The following MAGI2 variants were observed in gnomAD, a reference collection of about 807,000 sequenced individuals.
MAGI2 encodes membrane-associated guanylate kinase, WW and PDZ domain-containing protein 2.
A neutral mutation model predicts 133.3 loss-of-function variants in MAGI2; 35 were observed. That is an observed-to-expected ratio of 0.26 (90% CI 0.20 to 0.35). MAGI2 has a LOEUF of 0.35. Ranked by LOEUF, MAGI2 falls within the 10% of genes least tolerant of loss-of-function variation. The probability of loss-of-function intolerance (pLI) is 1.00; values close to 1 mark genes in which losing one functional copy is unlikely to be tolerated. For synonymous variants in MAGI2, 729 were observed against 710.6 expected (o/e 1.03, Z -0.41); for missense variants, 1,636 against 1,863.4 (o/e 0.88, Z 2.25).
chr7:78,126,796 A>C (rs7793770), intron 19 of MAGI2, among the ~76,000 whole-genome samples: 130,328 of 152,130 alleles, frequency 0.86, 56,222 homozygotes, highest in African/African-American at 0.91. Flanking sequence ...ACGTAAAAAA[A>C]TATGGACCTA....
At chr7:79,319,998 G>A (rs1031938894) in intron 1 of MAGI2, among the ~76,000 whole-genome samples, 1 of 152,104 alleles carries the variant, frequency 6.6e-6, no homozygotes, top group Non-Finnish European at 1.5e-5. Flanking sequence ...AAATGCATAG[G>A]TTAAGTAACA....
At chr7:78,176,488 C>G (rs150625379) in intron 14 of MAGI2, among the ~76,000 whole-genome samples, 2 of 152,096 alleles carry the variant, frequency 1.3e-5, no homozygotes, top group African/African-American at 2.4e-5. Flanking sequence ...CAACTCCTCC[C>G]GCAGGGCAGA....
chr7:78,380,862 A>G (rs1222455690), intron 6 of MAGI2, among the ~76,000 whole-genome samples: 1 of 152,218 alleles, frequency 6.6e-6, no homozygotes, highest in African/African-American at 2.4e-5. Flanking sequence ...ATATATGCAC[A>G]CACTGTGTAT....
chr7:78,915,858 G>C (rs963760329), intron 2 of MAGI2, among the ~76,000 whole-genome samples: 3 of 151,932 alleles, frequency 2.0e-5, no homozygotes, highest in Non-Finnish European at 2.9e-5. Context: ...TTTACATAAG[G>C]TCATCAGAGG....
rs1243218440 is a variant in MAGI2 at position 78,019,595 on chromosome 7, G to T, written c.4088C>A (p.Ala1363Glu). ...AAADAADAAR[A>E]GGKEAPRAAA... ...CGCACGGGGCGCCTCCTTCCCGCCC[G>T]CCCGCGCCGCGTCCGCCGCGTCTGC... The change falls in exon 22 of 22, where the codon GCG becomes GAG. Residue 1363 changes from alanine to glutamate, a missense_variant. Transcript: ENST00000354212. 45 of 980,498 alleles carry T rather than the reference G, an allele frequency of 4.6e-5. No homozygotes were observed. Among genetic ancestry groups the T allele is most frequent in the Non-Finnish European group, 5.1e-5 (42 of 828,490 alleles). 60.7% of individuals were successfully genotyped at this position (980,498 alleles called of 1,614,324 possible).
At chr7:78,037,663 C>T (rs2151076936) in intron 21 of MAGI2, among the ~76,000 whole-genome samples, 1 of 152,260 alleles carries the variant, frequency 6.6e-6, no homozygotes, top group Non-Finnish European at 1.5e-5. Flanking sequence ...TTTGACTATC[C>T]TTACAGATGG....
chr7:79,404,076 C>T (rs1845646222), intron 1 of MAGI2, among the ~76,000 whole-genome samples: 1 of 152,142 alleles, frequency 6.6e-6, no homozygotes, highest in African/African-American at 2.4e-5. Context: ...TTATAGCCAC[C>T]TGCTTCTCGA....
Position 79,442,451 on chromosome 7 carries a change from A to AGTGTGTGTGTGT in MAGI2, c.301+10557_301+10568dup, listed in dbSNP as rs3028947. On this transcript the variant is annotated intron_variant, in intron 1 of 21. Coordinates refer to ENST00000354212, the MANE Select transcript of MAGI2 (RefSeq NM_012301.4). ...TGGCACTGAACCTTAGTGTTTGAAG[A>AGTGTGTGTGTGT]GTGTGTGTGTGTGTGTGTGTGTGTG... Among the ~76,000 whole-genome samples, 1,170 of 145,210 alleles carry AGTGTGTGTGTGT rather than the reference A, an allele frequency of 8.1e-3. 6 individuals are homozygous for AGTGTGTGTGTGT. Among genetic ancestry groups the AGTGTGTGTGTGT allele is most frequent in the Middle Eastern group, 0.027 (8 of 292 alleles).
rs1216099347 is a variant in MAGI2 at position 78,660,319 on chromosome 7, G to A, written c.419-33080C>T. 3.9e-5 allele frequency among the ~76,000 whole-genome samples: 6 copies of A among 152,124 alleles called. No individual in the cohort carries two copies. In the South Asian group the frequency reaches 1.0e-3, roughly 26 times the overall value. On this transcript the variant is annotated intron_variant, in intron 2 of 21. Coordinates refer to ENST00000354212, the MANE Select transcript of MAGI2 (RefSeq NM_012301.4). ...ACCCTATTCTTTTCATTTGTGGCAA[G>A]TATACCTCTTTAATATGCCAATGTT...
chr7:78,332,602 G>T (rs1380927386), intron 9 of MAGI2, among the ~76,000 whole-genome samples: 1 of 151,908 alleles, frequency 6.6e-6, no homozygotes, highest in Non-Finnish European at 1.5e-5. Context: ...GGAGGCTGAG[G>T]CAGGAGAATG....
intron 1 of MAGI2, among the ~76,000 whole-genome samples, chr7:79,115,238 G>A (rs1819289467): frequency 6.6e-6 from 1 of 152,122 alleles, no homozygotes; most frequent in Admixed American, 6.5e-5. Flanking sequence ...GATGCTTTGG[G>A]ACCAGAGAAA....
At chr7:78,649,863 A>G (rs1811359669) in intron 2 of MAGI2, among the ~76,000 whole-genome samples, 2 of 151,206 alleles carry the variant, frequency 1.3e-5, no homozygotes, top group African/African-American at 4.8e-5. Flanking sequence ...TAATCGCATG[A>G]AAGTGCTGAG....
intron 6 of MAGI2, among the ~76,000 whole-genome samples, chr7:78,400,612 A>G (rs1359028877): frequency 1.3e-5 from 2 of 152,212 alleles, no homozygotes; most frequent in Non-Finnish European, 2.9e-5. Flanking sequence ...TAGTTAAATC[A>G]TTCAGATTAT....
intron 3 of MAGI2, among the ~76,000 whole-genome samples, chr7:78,594,376 G>C (rs1804366241): frequency 6.6e-6 from 1 of 152,206 alleles, no homozygotes; most frequent in Non-Finnish European, 1.5e-5. Context: ...ACAAAGGCTG[G>C]AATGTAACAA....
chr7:79,217,563 T>C (rs546576284), intron 1 of MAGI2, among the ~76,000 whole-genome samples: 2 of 152,152 alleles, frequency 1.3e-5, no homozygotes, highest in African/African-American at 4.8e-5. Flanking sequence ...AAGTGTCTTA[T>C]CTATATTTAA....
chr7:79,141,195 T>A (rs1822095351), intron 1 of MAGI2, among the ~76,000 whole-genome samples: 1 of 152,214 alleles, frequency 6.6e-6, no homozygotes, highest in African/African-American at 2.4e-5. Flanking sequence ...GATTGTTTTC[T>A]CAACTCCTTC....
At chr7:79,219,951 G>A (rs908053528) in intron 1 of MAGI2, among the ~76,000 whole-genome samples, 3 of 151,850 alleles carry the variant, frequency 2.0e-5, no homozygotes, top group Non-Finnish European at 4.4e-5. Flanking sequence ...TAATACACAC[G>A]ATTTTTTTTT....
At chr7:78,266,996 C>G (rs577487604) in intron 9 of MAGI2, among the ~76,000 whole-genome samples, 1 of 152,184 alleles carries the variant, frequency 6.6e-6, no homozygotes, top group Non-Finnish European at 1.5e-5. Flanking sequence ...AATACCCACA[C>G]TGGGTGTTGC....
intron 3 of MAGI2, among the ~76,000 whole-genome samples, chr7:78,595,925 T>C (rs1273425657): frequency 6.6e-6 from 1 of 152,130 alleles, no homozygotes; most frequent in Non-Finnish European, 1.5e-5. Flanking sequence ...CACCAGAATG[T>C]CTTTGTAATT....
Sources: gnomAD v4.1 joint callset for allele counts (sites outside exome capture counted in the v4.1 genomes callset) on GRCh38, gnomAD v4.1.1 for gene constraint, MANE v1.5 for transcripts, NCBI Gene and HGNC (gene_info 2026-07-23, HGNC 2026-07-21) for gene names.